MGAT4A: variants seen among roughly 807,000 people sequenced by gnomAD.
The protein encoded by MGAT4A is N-acetylglucosaminyltransferase IVa.
In MGAT4A, 33 loss-of-function variants were observed where a neutral mutation model predicts 74.1. That is an observed-to-expected ratio of 0.45 (90% confidence interval 0.34 to 0.60). The LOEUF is 0.60. Among genes scored for constraint, MGAT4A ranks in the 20% least tolerant of loss-of-function variants. The pLI is 0.02. For synonymous variants in MGAT4A, 198 were observed against 210.4 expected, an observed-to-expected ratio of 0.94 and a Z score of 0.51; for missense variants, 479 against 628.3, an observed-to-expected ratio of 0.76 and a Z score of 2.54.
chr2:98,724,595 G>A (rs961465947), intron 2 of MGAT4A, among the ~76,000 whole-genome samples: 1 of 152,156 alleles, frequency 6.6e-6, no homozygotes, highest in Non-Finnish European at 1.5e-5. Context: ...ACACTGCGTG[G>A]AGAAAGAATC....
intron 1 of MGAT4A, among the ~76,000 whole-genome samples, chr2:98,727,271 C>T (rs1356867632): frequency 6.6e-6 from 1 of 152,194 alleles, no homozygotes; most frequent in Non-Finnish European, 1.5e-5. Context: ...GGATACTGTA[C>T]ACCTTAGGCT....
At chr2:98,661,474 A>C (rs148843901) in intron 5 of MGAT4A, among the ~76,000 whole-genome samples, 1 of 152,316 alleles carries the variant, frequency 6.6e-6, no homozygotes, top group African/African-American at 2.4e-5. Flanking sequence ...GTGTATATAT[A>C]ACTGAATATT....
intron 2 of MGAT4A, among the ~76,000 whole-genome samples, chr2:98,682,671 T>C (rs948742106): frequency 6.6e-6 from 1 of 151,974 alleles, no homozygotes. Flanking sequence ...GGGACAGAGA[T>C]CACGTGCCTC....
chr2:98,678,738 T>C (rs1702014694), intron 2 of MGAT4A, among the ~76,000 whole-genome samples: 1 of 152,138 alleles, frequency 6.6e-6, no homozygotes. Context: ...CTTCATATAA[T>C]TAAAGATGGA....
chr2:98,670,480 T>C (rs765468224), intron 4 of MGAT4A, among the ~76,000 whole-genome samples: 2 of 152,224 alleles, frequency 1.3e-5, no homozygotes, highest in African/African-American at 4.8e-5. Context: ...AGTTTTCAAA[T>C]TCTAGTTCGT....
chr2:98,728,434 C>G (rs1033441686), intron 1 of MGAT4A, among the ~76,000 whole-genome samples: 2 of 152,202 alleles, frequency 1.3e-5, no homozygotes, highest in Non-Finnish European at 2.9e-5. Context: ...AACATGCCCA[C>G]GTCTACAGTT....
chr2:98,726,266 A>G lies in MGAT4A; in HGVS notation c.67T>C (p.Trp23Arg), dbSNP rs1416750834. ...AFITSFLTLS[W>R]YTTWQNGKEK... ...TTCCCATTTTGCCATGTAGTATACC[A>G]AGACAAAGTAAGGAAGGAAGTGATA... Residue 23 changes from tryptophan to arginine, a missense_variant, in exon 2 of 16, where the codon TGG becomes CGG. This residue lies in a region of MGAT4A where 205 missense variants were observed against 232.7 expected (regional missense o/e 0.88). Coordinates refer to ENST00000393487, the MANE Select transcript of MGAT4A (RefSeq NM_012214.3). 1.2e-6 allele frequency: 2 copies of G among 1,614,080 alleles called. No individual in the cohort carries two copies. The highest frequency in any genetic ancestry group is 8.5e-7 in the Non-Finnish European group (1 of 1,179,924).
chr2:98,650,100 C>T (rs1306594117), intron 8 of MGAT4A, among the ~76,000 whole-genome samples: 1 of 152,014 alleles, frequency 6.6e-6, no homozygotes, highest in Admixed American at 6.6e-5. Flanking sequence ...AAGAGCCAAA[C>T]AGAAATTCTA....
chr2:98,624,896 G>C lies in MGAT4A; in HGVS notation c.*670C>G. On this transcript the variant is annotated 3_prime_UTR_variant, in exon 16 of 16. Coordinates refer to ENST00000393487, the MANE Select transcript of MGAT4A (RefSeq NM_012214.3). ...TGACAAATGTCTTTGAAAATATTTT[G>C]TTCAGTCACTGTGATTATAAAAGTA... The C allele has an allele frequency of 1.0e-6, 1 of 983,726 alleles. No individual in the cohort carries two copies. The allele number at this position is 983,726 out of a possible 1,614,324, so 60.9% of individuals were successfully genotyped here. A position where few individuals can be genotyped will look rare whatever the true frequency, so the allele number is the denominator to read the frequency against.
At chr2:98,725,301 T>A (rs1273183328) in intron 2 of MGAT4A, among the ~76,000 whole-genome samples, 1 of 152,190 alleles carries the variant, frequency 6.6e-6, no homozygotes, top group African/African-American at 2.4e-5. Context: ...TTTTCACTTA[T>A]ATCAGATTTT....
At chr2:98,642,669 T>G (rs1294325392) in intron 10 of MGAT4A, among the ~76,000 whole-genome samples, 1 of 152,246 alleles carries the variant, frequency 6.6e-6, no homozygotes, top group Non-Finnish European at 1.5e-5. Context: ...TAACTTTTTC[T>G]GTGTCCTACA....
At chr2:98,673,484 G>C (rs1410248405) in intron 4 of MGAT4A, among the ~76,000 whole-genome samples, 1 of 152,150 alleles carries the variant, frequency 6.6e-6, no homozygotes, top group Non-Finnish European at 1.5e-5. Flanking sequence ...GATTTAGGGA[G>C]GAAAATGTTT....
intron 2 of MGAT4A, among the ~76,000 whole-genome samples, chr2:98,682,949 G>A (rs1226006213): frequency 2.6e-5 from 4 of 152,080 alleles, no homozygotes; most frequent in Admixed American, 2.0e-4. Context: ...TTAGCCGGGC[G>A]TGGTGGCGGG....
At chr2:98,656,806 G>T (rs762534135) in intron 6 of MGAT4A, among the ~76,000 whole-genome samples, 1 of 151,516 alleles carries the variant, frequency 6.6e-6, no homozygotes, top group Non-Finnish European at 1.5e-5. Context: ...ACAGAAAATA[G>T]AAAATTGAAG....
At position 98,640,181 on chromosome 2, in the gene MGAT4A, A is replaced by C. The variant is rs1300297266; in HGVS notation, c.1068T>G (p.Pro356=). 1 of 1,614,064 alleles carries C rather than the reference A, an allele frequency of 6.2e-7. No homozygotes were observed. Among genetic ancestry groups the C allele is most frequent in the African/African-American group, 1.3e-5 (1 of 75,058 alleles). Reference sequence around the variant, plus strand: ...GCAGACCAACATGTTGGAAAAGGGAAGGTCTGAAGCGAATTCGCAGATTTG... The same window carrying C: ...GCAGACCAACATGTTGGAAAAGGGACGGTCTGAAGCGAATTCGCAGATTTG... ...QKANLRIRFR[P]SLFQHVGLHS... is the part of the protein sequence containing the mutation. The change falls in exon 11 of 16, where the codon CCT becomes CCG. Residue 356 remains proline (P), a synonymous_variant. Coordinates refer to ENST00000393487, the MANE Select transcript of MGAT4A (RefSeq NM_012214.3).
chr2:98,692,484 C>T (rs1702208633), intron 2 of MGAT4A, among the ~76,000 whole-genome samples: 1 of 152,160 alleles, frequency 6.6e-6, no homozygotes, highest in African/African-American at 2.4e-5. Context: ...AAGGCTATGG[C>T]AGTCTACAGT....
chr2:98,664,437 C>T (rs988247896), intron 4 of MGAT4A, among the ~76,000 whole-genome samples: 2 of 152,012 alleles, frequency 1.3e-5, no homozygotes, highest in African/African-American at 4.8e-5. Flanking sequence ...GAAAATTGTA[C>T]CCAGCTGAAT....
chr2:98,632,257 A>G (rs1483670911), intron 14 of MGAT4A, among the ~76,000 whole-genome samples: 1 of 152,100 alleles, frequency 6.6e-6, no homozygotes, highest in Non-Finnish European at 1.5e-5. Flanking sequence ...ATTCACCCCT[A>G]GACACTGCCA....
chr2:98,669,348 TTG>T (rs1217795707), intron 4 of MGAT4A, among the ~76,000 whole-genome samples: 3 of 152,164 alleles, frequency 2.0e-5, no homozygotes, highest in Admixed American at 2.0e-4. Flanking sequence ...TTGCACAAGC[TTG>T]CTCTCTCTTT....
Sources: allele counts gnomAD v4.1 joint callset (sites outside exome capture counted in the v4.1 genomes callset), GRCh38; gene constraint gnomAD v4.1.1; regional missense constraint gnomAD v4.1.1; transcripts MANE v1.5; gene names NCBI Gene and HGNC (gene_info 2026-07-23, HGNC 2026-07-21).